PRIM2: variants seen among roughly 807,000 people sequenced by gnomAD.
The protein encoded by PRIM2 is DNA primase subunit 2, also known as DNA primase large subunit.
Under a neutral mutation model 67.3 loss-of-function variants are expected in PRIM2, and 39 were observed. That is an observed-to-expected ratio of 0.58 (90% CI 0.45 to 0.76). The LOEUF is 0.76. PRIM2 is among the 30% of genes least tolerant of loss of function. The pLI is 0.00. For missense variants in PRIM2, 398 were observed against 598.7 expected (o/e 0.66, Z 3.50); for synonymous variants, 143 against 198.7 (o/e 0.72, Z 2.36).
chr6:57,595,869 A>G (rs1776356426), intron 10 of PRIM2, among the ~76,000 whole-genome samples: 1 of 152,054 alleles, frequency 6.6e-6, no homozygotes, highest in South Asian at 2.1e-4. Flanking sequence ...TAGGCTGAGC[A>G]TTTATTAACT....
intron 7 of PRIM2, among the ~76,000 whole-genome samples, chr6:57,493,087 A>T (rs1554346114): frequency 1.2e-4 from 19 of 152,326 alleles, no homozygotes; most frequent in Non-Finnish European, 2.2e-4. Context: ...TTCCGCCTGG[A>T]TGCTTAACAG....
the PRIM2 span, among the ~76,000 whole-genome samples, chr6:57,250,463 A>G: frequency 6.6e-6 from 1 of 152,230 alleles, no homozygotes. Flanking sequence ...GATATATAAG[A>G]TTACAAATTA....
chr6:57,455,547 G>T (rs201273539), intron 7 of PRIM2, among the ~76,000 whole-genome samples: 188 of 152,156 alleles, frequency 1.2e-3, no homozygotes, highest in East Asian at 3.9e-3. Flanking sequence ...GTAATGGCCT[G>T]CTTTGTCTCT....
intron 5 of PRIM2, among the ~76,000 whole-genome samples, chr6:57,376,147 G>A (rs1581842047): frequency 6.6e-6 from 1 of 152,146 alleles, no homozygotes; most frequent in Admixed American, 6.5e-5. Context: ...TCAGTGATCC[G>A]TGATCATACC....
chr6:57,267,332 G>A, the PRIM2 span, among the ~76,000 whole-genome samples: 1 of 152,128 alleles, frequency 6.6e-6, no homozygotes, highest in Non-Finnish European at 1.5e-5. Flanking sequence ...GGTGATCCCA[G>A]GAGGCATGAT....
chr6:57,488,298 G>T (rs1453750019), intron 7 of PRIM2, among the ~76,000 whole-genome samples: 1 of 152,156 alleles, frequency 6.6e-6, no homozygotes, highest in Admixed American at 6.5e-5. Flanking sequence ...AAGTTTTCTG[G>T]TGGTATTGGT....
rs1415275160 is a variant in PRIM2, at chr6:57,579,094, C to A, written c.1021-21999C>A. ...ACATCTCCAAAAAGTCTTGTAAATT[C>A]TCTTAAAAAAATAAATTAGCCATCT... On this transcript the variant is annotated intron_variant, in intron 10 of 13. Transcript: ENST00000615550. Among the ~76,000 whole-genome samples the A allele has an allele frequency of 2.6e-5, 4 of 151,916 alleles. No individual in the cohort carries two copies. In the East Asian group the frequency reaches 7.7e-4, roughly 29 times the overall value.
chr6:57,464,360 C>T (rs1349397367), intron 7 of PRIM2, among the ~76,000 whole-genome samples: 2 of 151,994 alleles, frequency 1.3e-5, no homozygotes, highest in Admixed American at 6.6e-5. Context: ...TCACTTCAAC[C>T]TCCGTCTCCC....
At chr6:57,389,039 A>G (rs1770241183) in intron 7 of PRIM2, among the ~76,000 whole-genome samples, 1 of 152,212 alleles carries the variant, frequency 6.6e-6, no homozygotes, top group Non-Finnish European at 1.5e-5. Flanking sequence ...AGATCCTTAA[A>G]TTGGAGCTGG....
At chr6:57,339,729 G>T (rs1327539463) in intron 5 of PRIM2, among the ~76,000 whole-genome samples, 1 of 152,092 alleles carries the variant, frequency 6.6e-6, no homozygotes, top group African/African-American at 2.4e-5. Flanking sequence ...AGACTTAAAC[G>T]TTAGACCTAA....
At chr6:57,386,436 AAAAGAAC>A (rs1770152933) in intron 7 of PRIM2, among the ~76,000 whole-genome samples, 1 of 149,418 alleles carries the variant, frequency 6.7e-6, no homozygotes, top group Non-Finnish European at 1.5e-5. Context: ...AAAAAAAAAA[AAAAGAAC>A]GAAAGAAAGA....
At chr6:57,328,002 C>A (rs1171310212) in intron 5 of PRIM2, among the ~76,000 whole-genome samples, 3 of 152,222 alleles carry the variant, frequency 2.0e-5, no homozygotes, top group African/African-American at 7.2e-5. Flanking sequence ...GTTCGCACTC[C>A]TATAAGAATC....
chr6:57,600,831 C>A (rs1776450426), intron 10 of PRIM2, among the ~76,000 whole-genome samples: 1 of 152,138 alleles, frequency 6.6e-6, no homozygotes. Flanking sequence ...TTTTCTTTAT[C>A]TTTAAACGTA....
At chr6:57,444,097 G>A (rs2127386714) in intron 7 of PRIM2, among the ~76,000 whole-genome samples, 1 of 152,142 alleles carries the variant, frequency 6.6e-6, no homozygotes, top group East Asian at 1.9e-4. Context: ...TTATTTCTGG[G>A]CTCTGTATTT....
At chr6:57,282,025 C>G in the PRIM2 span, among the ~76,000 whole-genome samples, 1 of 152,124 alleles carries the variant, frequency 6.6e-6, no homozygotes, top group Admixed American at 6.5e-5. Context: ...TGGCAAAGGT[C>G]ACCGTTAATG....
the PRIM2 span, among the ~76,000 whole-genome samples, chr6:57,298,196 C>G: frequency 6.6e-6 from 1 of 152,118 alleles, no homozygotes; most frequent in South Asian, 2.1e-4. Flanking sequence ...CCCGTCTCTA[C>G]TAAAGATACA....
At chr6:57,505,918 A>T (rs1581958969) in intron 7 of PRIM2, among the ~76,000 whole-genome samples, 2 of 152,212 alleles carry the variant, frequency 1.3e-5, no homozygotes, top group East Asian at 1.9e-4. Context: ...GTCTAGATAA[A>T]TCATTTAAAT....
At chr6:57,412,059 T>G (rs1489073882) in intron 7 of PRIM2, among the ~76,000 whole-genome samples, 40 of 150,828 alleles carry the variant, frequency 2.7e-4, no homozygotes, top group African/African-American at 9.7e-4. Flanking sequence ...GGGAAAAAGC[T>G]CTGTGGTTTT....
intron 10 of PRIM2, among the ~76,000 whole-genome samples, chr6:57,564,091 T>C (rs1775691621): frequency 6.6e-6 from 1 of 152,236 alleles, no homozygotes; most frequent in African/African-American, 2.4e-5. Context: ...AAAGGAGTGA[T>C]GTAGTTTTAA....
Sources: allele counts gnomAD v4.1 joint callset (sites outside exome capture counted in the v4.1 genomes callset), GRCh38; gene constraint gnomAD v4.1.1; transcripts MANE v1.5; gene names NCBI Gene and HGNC (gene_info 2026-07-23, HGNC 2026-07-21).